The following ZC3H12B variants were observed in gnomAD, a reference collection of about 807,000 sequenced individuals.
The protein encoded by ZC3H12B is probable ribonuclease ZC3H12B.
Under a neutral mutation model 43.9 loss-of-function variants are expected in ZC3H12B, and 7 were observed. That is an observed-to-expected ratio of 0.16 (90% CI 0.09 to 0.30). The LOEUF (loss-of-function observed/expected upper bound fraction) is 0.30. ZC3H12B is among the 10% of genes least tolerant of loss of function. The probability of loss-of-function intolerance (pLI) is 1.00; values close to 1 mark genes in which losing one functional copy is unlikely to be tolerated. For missense variants in ZC3H12B, 475 were observed against 670.2 expected (o/e 0.71, Z 3.22); for synonymous variants, 222 against 241.7 (o/e 0.92, Z 0.76).
chrX:65,235,726 G>T, the ZC3H12B span, among the ~76,000 whole-genome samples: 1 of 111,791 alleles, frequency 8.9e-6, no homozygotes, highest in African/African-American at 3.3e-5. Context: ...CAGCAATCAC[G>T]GTGCTTCAAG....
chrX:65,412,083 C>T (rs2066910279), intron 3 of ZC3H12B, among the ~76,000 whole-genome samples: 1 of 110,833 alleles, frequency 9.0e-6, no homozygotes, highest in Non-Finnish European at 1.9e-5. Context: ...TTTCTATTCC[C>T]TTCATAAAAC....
chrX:65,420,913 G>C (rs1298563981), intron 3 of ZC3H12B, among the ~76,000 whole-genome samples: 1 of 112,278 alleles, frequency 8.9e-6, no homozygotes, highest in African/African-American at 3.2e-5. Context: ...TATTGATCAG[G>C]CAAAATTACT....
the ZC3H12B span, among the ~76,000 whole-genome samples, chrX:65,325,770 A>T: frequency 1.8e-5 from 2 of 111,609 alleles, no homozygotes; most frequent in Non-Finnish European, 3.8e-5. Context: ...AATTATGAGC[A>T]AAAGAATCGA....
At chrX:65,456,915 A>G (rs1341587965) in intron 3 of ZC3H12B, among the ~76,000 whole-genome samples, 1 of 99,360 alleles carries the variant, frequency 1.0e-5, no homozygotes, top group Non-Finnish European at 2.0e-5. Flanking sequence ...CGTCTGGGAT[A>G]TGAGGAGCCC....
chrX:65,067,643 C>T, the ZC3H12B span, among the ~76,000 whole-genome samples: 1 of 112,025 alleles, frequency 8.9e-6, no homozygotes, highest in Non-Finnish European at 1.9e-5. Flanking sequence ...CACTCTTTCT[C>T]TTAGTCTGGC....
chrX:65,376,654 T>A (rs1391150228), intron 2 of ZC3H12B, among the ~76,000 whole-genome samples: 4 of 112,083 alleles, frequency 3.6e-5, no homozygotes, highest in Non-Finnish European at 7.5e-5. Flanking sequence ...CTTCCAGATC[T>A]TATCCAAGGC....
the ZC3H12B span, among the ~76,000 whole-genome samples, chrX:65,119,921 G>T: frequency 6.3e-5 from 7 of 111,557 alleles, no homozygotes; most frequent in Admixed American, 9.6e-5. Context: ...CCCCATTTCT[G>T]GTTTTTGTCA....
chrX:65,200,899 C>T, the ZC3H12B span, among the ~76,000 whole-genome samples: 1 of 111,583 alleles, frequency 9.0e-6, no homozygotes, highest in Non-Finnish European at 1.9e-5. Context: ...CGGACTTGAT[C>T]GTGGTGGCTA....
chrX:65,221,088 C>T, the ZC3H12B span, among the ~76,000 whole-genome samples: 1 of 111,583 alleles, frequency 9.0e-6, no homozygotes, highest in African/African-American at 3.2e-5. Flanking sequence ...AAATAACCTA[C>T]CCTTGAATGA....
the ZC3H12B span, among the ~76,000 whole-genome samples, chrX:65,225,215 C>T: frequency 8.9e-5 from 10 of 112,133 alleles, no homozygotes; most frequent in African/African-American, 3.2e-4. Flanking sequence ...ATTCGCGGTT[C>T]ACGAAAATCT....
At chrX:65,154,539 C>T in the ZC3H12B span, among the ~76,000 whole-genome samples, 1 of 111,724 alleles carries the variant, frequency 9.0e-6, no homozygotes, top group Admixed American at 9.5e-5. Flanking sequence ...TTGTTTATTT[C>T]TTGCTTTTCT....
the ZC3H12B span, among the ~76,000 whole-genome samples, chrX:65,182,631 A>G: frequency 2.7e-5 from 3 of 109,760 alleles, no homozygotes; most frequent in Admixed American, 9.8e-5. Context: ...TAGATAGACA[A>G]CCTACAGAAT....
At chrX:65,189,722 G>A in the ZC3H12B span, among the ~76,000 whole-genome samples, 6 of 108,859 alleles carry the variant, frequency 5.5e-5, no homozygotes, top group Admixed American at 9.8e-5. Context: ...AGTAGGTTGC[G>A]AAAATTTTCT....
the ZC3H12B span, among the ~76,000 whole-genome samples, chrX:65,160,054 T>C: frequency 4.5e-5 from 5 of 112,029 alleles, no homozygotes; most frequent in Admixed American, 4.8e-4. Context: ...GGATTATATG[T>C]TGGATTACAT....
the ZC3H12B span, among the ~76,000 whole-genome samples, chrX:65,219,852 A>G: frequency 9.3e-6 from 1 of 107,988 alleles, no homozygotes; most frequent in Non-Finnish European, 1.9e-5. Flanking sequence ...ACACACACAC[A>G]AAACACCTGG....
intron 2 of ZC3H12B, among the ~76,000 whole-genome samples, chrX:65,389,126 C>T (rs778300801): frequency 8.9e-6 from 1 of 112,161 alleles, no homozygotes; most frequent in South Asian, 3.7e-4. Flanking sequence ...CTCGGATCTC[C>T]AGCTGTGTAC....
At chrX:65,327,782 C>T in the ZC3H12B span, among the ~76,000 whole-genome samples, 5 of 111,532 alleles carry the variant, frequency 4.5e-5, no homozygotes, top group African/African-American at 1.6e-4. Context: ...CTGAATACAC[C>T]ACTAGCAACT....
chrX:65,456,242 G>T (rs1030044517), intron 3 of ZC3H12B, among the ~76,000 whole-genome samples: 2 of 111,312 alleles, frequency 1.8e-5, no homozygotes, highest in African/African-American at 3.3e-5. Flanking sequence ...CATCTCACGT[G>T]CAGAGACACA....
the ZC3H12B span, among the ~76,000 whole-genome samples, chrX:65,320,509 C>G: frequency 9.0e-6 from 1 of 111,668 alleles, no homozygotes; most frequent in Admixed American, 9.5e-5. Flanking sequence ...TCCAATTAAA[C>G]TTACAATGAT....
Sources: gnomAD v4.1 joint callset for allele counts (sites outside exome capture counted in the v4.1 genomes callset) on GRCh38, gnomAD v4.1.1 for gene constraint, MANE v1.5 for transcripts, NCBI Gene and HGNC (gene_info 2026-07-23, HGNC 2026-07-21) for gene names.